ZNF644: variants seen among roughly 807,000 people sequenced by gnomAD.
ZNF644 encodes the protein zinc finger motif enhancer binding protein 2.
Under a neutral mutation model 108.0 loss-of-function variants are expected in ZNF644, and 20 were observed. The ratio of observed to expected loss-of-function variants is 0.19; its 90% CI spans 0.13 to 0.27. ZNF644 has a LOEUF of 0.27. Ranked by LOEUF, ZNF644 falls within the 10% of genes least tolerant of loss-of-function variation. ZNF644 has a pLI of 1.00. For synonymous variants in ZNF644, 542 were observed against 539.1 expected, an observed-to-expected ratio of 1.01 and a Z score of -0.08; for missense variants, 1,338 against 1,548.9, an observed-to-expected ratio of 0.86 and a Z score of 2.29.
At chr1:91,006,892 ATGTT>A (rs369485890) in intron 1 of ZNF644, among the ~76,000 whole-genome samples, 1,622 of 152,118 alleles carry the variant, frequency 0.011, 29 homozygotes, top group African/African-American at 0.037. Context: ...TAACAACCTC[ATGTT>A]TCATATTTTT....
chr1:91,011,997 G>A (rs1659997676), intron 1 of ZNF644, among the ~76,000 whole-genome samples: 1 of 152,036 alleles, frequency 6.6e-6, no homozygotes, highest in Admixed American at 6.6e-5. Context: ...TGTTATCGGT[G>A]GAGGCAAATT....
intron 1 of ZNF644, among the ~76,000 whole-genome samples, chr1:90,985,471 A>G (rs573429148): frequency 1.3e-5 from 2 of 152,182 alleles, no homozygotes; most frequent in South Asian, 2.1e-4. Context: ...CCACTCCCCA[A>G]CCCAGCCTCA....
intron 4 of ZNF644, among the ~76,000 whole-genome samples, chr1:90,919,824 A>G (rs532472708): frequency 6.6e-6 from 1 of 152,182 alleles, no homozygotes; most frequent in Admixed American, 6.5e-5. Context: ...TAGACAGCCT[A>G]TGAATGAAAA....
At chr1:90,931,956 A>T (rs1294231186) in intron 4 of ZNF644, among the ~76,000 whole-genome samples, 1 of 152,114 alleles carries the variant, frequency 6.6e-6, no homozygotes, top group African/African-American at 2.4e-5. Flanking sequence ...GTCTATACAC[A>T]CAAAAATTTT....
chr1:90,941,421 T>C (rs1570388649), intron 2 of ZNF644, 112 bp from the exon 3 acceptor site: 21 of 936,754 alleles, frequency 2.2e-5, no homozygotes, highest in Non-Finnish European at 2.9e-5. Flanking sequence ...ACTCTTTATA[T>C]TGAGATTCTA....
intron 2 of ZNF644, among the ~76,000 whole-genome samples, chr1:90,957,893 A>C (rs1269142815): frequency 6.6e-6 from 1 of 152,238 alleles, no homozygotes; most frequent in African/African-American, 2.4e-5. Context: ...CCACAAAAAA[A>C]CTACTAGAGC....
intron 1 of ZNF644, among the ~76,000 whole-genome samples, chr1:91,020,280 A>C (rs1660785226): frequency 7.9e-6 from 1 of 126,694 alleles, no homozygotes; most frequent in South Asian, 2.4e-4. Context: ...TAATGTTGAA[A>C]AATTCAAATT....
chr1:91,006,270 C>T (rs189564928), intron 1 of ZNF644, among the ~76,000 whole-genome samples: 14 of 152,202 alleles, frequency 9.2e-5, no homozygotes, highest in East Asian at 5.8e-4. Flanking sequence ...CCAACCACGG[C>T]GGACAGCACC....
chr1:91,000,794 T>C (rs887127909), intron 1 of ZNF644, among the ~76,000 whole-genome samples: 2 of 151,790 alleles, frequency 1.3e-5, no homozygotes, highest in South Asian at 4.2e-4. Flanking sequence ...CTAGCAACAC[T>C]AATAAAGAAG....
At chr1:90,950,282 A>AGGGGAGGGGAGGGG (rs1557588095) in intron 2 of ZNF644, among the ~76,000 whole-genome samples, 3 of 3,376 alleles carry the variant, frequency 8.9e-4, no homozygotes, top group Non-Finnish European at 1.1e-3. Context: ...ATCTCAAGGG[A>AGGGGAGGGGAGGGG]AGGGAAGGGA....
At chr1:90,986,522 C>T (rs1657116952) in intron 1 of ZNF644, among the ~76,000 whole-genome samples, 1 of 151,748 alleles carries the variant, frequency 6.6e-6, no homozygotes, top group African/African-American at 2.4e-5. Context: ...ATGTACTGTA[C>T]TAATGTAAGA....
At chr1:90,928,677 CA>C (rs1276347749) in intron 4 of ZNF644, among the ~76,000 whole-genome samples, 1 of 152,018 alleles carries the variant, frequency 6.6e-6, no homozygotes, top group African/African-American at 2.4e-5. Context: ...ACCAAGCATT[CA>C]AAGCACCAAC....
intron 4 of ZNF644, among the ~76,000 whole-genome samples, chr1:90,922,984 T>C (rs1292335368): frequency 6.6e-6 from 1 of 152,180 alleles, no homozygotes; most frequent in Non-Finnish European, 1.5e-5. Context: ...CAGGGCCTTT[T>C]TTTAGAAAAC....
chr1:90,932,328 A>T (rs1396523681), intron 4 of ZNF644, among the ~76,000 whole-genome samples: 1 of 152,178 alleles, frequency 6.6e-6, no homozygotes, highest in African/African-American at 2.4e-5. Flanking sequence ...AGAGTGGACC[A>T]CACAACTTAA....
intron 1 of ZNF644, among the ~76,000 whole-genome samples, chr1:90,991,348 C>T (rs962412397): frequency 2.0e-5 from 3 of 152,182 alleles, no homozygotes; most frequent in Admixed American, 2.0e-4. Flanking sequence ...AATGGTACAA[C>T]CACTTTGTAA....
intron 2 of ZNF644, among the ~76,000 whole-genome samples, chr1:90,960,266 C>T (rs1001998218): frequency 6.6e-6 from 1 of 152,214 alleles, no homozygotes; most frequent in East Asian, 1.9e-4. Context: ...ATCTTCTACT[C>T]GCTGAATTGG....
chr1:91,006,857 T>C (rs1659469781), intron 1 of ZNF644, among the ~76,000 whole-genome samples: 2 of 152,174 alleles, frequency 1.3e-5, no homozygotes, highest in South Asian at 2.1e-4. Flanking sequence ...AAGTTCCTGA[T>C]ATAGTACTTT....
At chr1:90,943,951 T>C (rs920940776) in intron 2 of ZNF644, among the ~76,000 whole-genome samples, 1 of 152,248 alleles carries the variant, frequency 6.6e-6, no homozygotes, top group African/African-American at 2.4e-5. Flanking sequence ...AAAACTAGCT[T>C]GAAAGACAGT....
At chr1:91,004,519 T>G (rs1659222809) in intron 1 of ZNF644, among the ~76,000 whole-genome samples, 1 of 152,118 alleles carries the variant, frequency 6.6e-6, no homozygotes, top group South Asian at 2.1e-4. Flanking sequence ...TCCCTCAGGC[T>G]GAAATGAAAG....
Sources: gnomAD v4.1 joint callset for allele counts (sites outside exome capture counted in the v4.1 genomes callset) on GRCh38, gnomAD v4.1.1 for gene constraint, MANE v1.5 for transcripts, NCBI Gene and HGNC (gene_info 2026-07-23, HGNC 2026-07-21) for gene names.